Variants in HTR7 observed in about 807,000 individuals in gnomAD.
The protein encoded by HTR7 is 5-hydroxytryptamine receptor 7.
A neutral mutation model predicts 34.0 loss-of-function variants in HTR7; 16 were observed. The observed-to-expected ratio is 0.47, with a 90% CI of 0.32 to 0.71. The LOEUF (loss-of-function observed/expected upper bound fraction) is 0.71. Among genes scored for constraint, HTR7 ranks in the 30% least tolerant of loss-of-function variants. HTR7 has a pLI of 0.04. For missense variants in HTR7, 504 were observed against 625.5 expected (o/e 0.81, Z 2.07); for synonymous variants, 265 against 260.2 (o/e 1.02, Z -0.18).
At chr10:90,813,987 T>C (rs368310022) in intron 1 of HTR7, among the ~76,000 whole-genome samples, 2 of 152,178 alleles carry the variant, frequency 1.3e-5, no homozygotes, top group African/African-American at 2.4e-5. Context: ...AGAAGTCCCA[T>C]TCAGGTGCCC....
intron 1 of HTR7, among the ~76,000 whole-genome samples, chr10:90,807,995 T>G (rs1019331430): frequency 6.6e-6 from 1 of 152,128 alleles, no homozygotes; most frequent in African/African-American, 2.4e-5. Flanking sequence ...TTCCTTTCAT[T>G]TTCTGGTAGA....
At chr10:90,837,543 C>T (rs866202636) in intron 1 of HTR7, among the ~76,000 whole-genome samples, 67 of 152,222 alleles carry the variant, frequency 4.4e-4, no homozygotes, top group African/African-American at 1.5e-3. Context: ...TGCTATGATG[C>T]AGCAAGAAGG....
intron 1 of HTR7, among the ~76,000 whole-genome samples, chr10:90,753,535 T>C (rs1398613769): frequency 2.6e-5 from 4 of 152,166 alleles, no homozygotes; most frequent in Non-Finnish European, 2.9e-5. Flanking sequence ...GAAAAAGCAA[T>C]CATTCTATTA....
Position 90,857,728 on chromosome 10 carries a change from T to A in HTR7, c.-57A>T. The stretch of plus-strand genomic sequence containing the variant: ...GGCGCCCCGGCCACGCGCCTCCGGC[T>A]GCCGGCCCCGGGGCTTCACCTCACC... On this transcript the variant is annotated 5_prime_UTR_variant, in exon 1 of 4. Transcript: ENST00000336152. This position sits in a 1 kb window ranked among gnomAD's most constrained non-coding sequence, Gnocchi z 6.5. 7.1e-7 allele frequency: 1 copy of A among 1,407,562 alleles called. No individual in the cohort carries two copies. The highest frequency in any genetic ancestry group is 1.6e-5 in the South Asian group (1 of 64,412). 87.2% of individuals were successfully genotyped at this position (1,407,562 alleles called of 1,614,324 possible).
chr10:90,750,517 G>A (rs931312093), intron 1 of HTR7, among the ~76,000 whole-genome samples: 1 of 152,116 alleles, frequency 6.6e-6, no homozygotes, highest in African/African-American at 2.4e-5. Flanking sequence ...AATAGTCGTA[G>A]AGTCTTTTTT....
intron 1 of HTR7, among the ~76,000 whole-genome samples, chr10:90,778,915 C>T (rs1221607026): frequency 6.6e-6 from 1 of 152,218 alleles, no homozygotes; most frequent in Non-Finnish European, 1.5e-5. Context: ...TCAAAACAGT[C>T]TTCCTTGGCC....
chr10:90,813,650 C>A (rs1845854444), intron 1 of HTR7, among the ~76,000 whole-genome samples: 1 of 152,144 alleles, frequency 6.6e-6, no homozygotes, highest in South Asian at 2.1e-4. Context: ...AATCAAGCTG[C>A]AGACATAGAC....
intron 1 of HTR7, among the ~76,000 whole-genome samples, chr10:90,753,118 T>G (rs935377679): frequency 6.6e-6 from 1 of 152,172 alleles, no homozygotes; most frequent in Non-Finnish European, 1.5e-5. Context: ...TTCACAGATT[T>G]CCTACAGGTC....
At chr10:90,823,656 AAGGGGCC>A (rs1400100930) in intron 1 of HTR7, among the ~76,000 whole-genome samples, 2 of 152,144 alleles carry the variant, frequency 1.3e-5, no homozygotes, top group African/African-American at 2.4e-5. Flanking sequence ...TGAGATTTGG[AAGGGGCC>A]AGGAGCAGAA....
chr10:90,820,466 T>G (rs1195116787), intron 1 of HTR7, among the ~76,000 whole-genome samples: 1 of 152,182 alleles, frequency 6.6e-6, no homozygotes, highest in Non-Finnish European at 1.5e-5. Context: ...ACATCCTGAT[T>G]TACAAAGGGG....
At chr10:90,856,046 T>C (rs1377946628) in intron 1 of HTR7, among the ~76,000 whole-genome samples, 2 of 152,118 alleles carry the variant, frequency 1.3e-5, no homozygotes, top group Non-Finnish European at 2.9e-5. Context: ...AGACCATCCT[T>C]TGAGGCACTG....
Position 90,748,887 on chromosome 10 carries a change from T to C in HTR7, c.1247A>G (p.His416Arg), listed in dbSNP as rs750310268. ...CCTCTCAGCAAGCTTCAGGGCTTCA[T>C]GCATGCCTGCAGCTGAGAGCTTCCG... ...INRKLSAAGM[H>R]EALKLAERPE... The change falls in exon 2 of 4, where the codon CAT becomes CGT. Residue 416 changes from histidine (H) to arginine (R), a missense_variant. Coordinates refer to ENST00000336152, the MANE Select transcript of HTR7 (RefSeq NM_019859.4). 70 of 1,614,072 alleles carry C rather than the reference T, an allele frequency of 4.3e-5. 1 individual carries two copies. The Admixed American group carries it at 1.1e-3, about 26-fold the overall frequency.
intron 1 of HTR7, among the ~76,000 whole-genome samples, chr10:90,796,536 C>T (rs1845540610): frequency 1.3e-5 from 2 of 152,116 alleles, no homozygotes; most frequent in Admixed American, 1.3e-4. Context: ...ACACCCTGAG[C>T]AATATAGCCA....
chr10:90,802,743 G>A (rs920741871), intron 1 of HTR7, among the ~76,000 whole-genome samples: 8 of 152,170 alleles, frequency 5.3e-5, no homozygotes, highest in African/African-American at 1.2e-4. Flanking sequence ...GATTAACAAC[G>A]GAAGCTGCTC....
chr10:90,818,884 A>G (rs753041544), intron 1 of HTR7, among the ~76,000 whole-genome samples: 12 of 152,292 alleles, frequency 7.9e-5, no homozygotes, highest in Non-Finnish European at 1.5e-4. Context: ...GTGAATTCTC[A>G]TGAGATCTGG....
chr10:90,756,986 T>C (rs1266642015), intron 1 of HTR7, among the ~76,000 whole-genome samples: 2 of 152,208 alleles, frequency 1.3e-5, no homozygotes, highest in African/African-American at 4.8e-5. Context: ...TGTATATGGA[T>C]TCACAATAAA....
chr10:90,848,130 G>A (rs1846440121), intron 1 of HTR7, among the ~76,000 whole-genome samples: 2 of 141,804 alleles, frequency 1.4e-5, no homozygotes, highest in South Asian at 2.2e-4. Context: ...GTGCAATGGC[G>A]CGATCTCGGC....
intron 1 of HTR7, among the ~76,000 whole-genome samples, chr10:90,850,454 CA>C (rs1219085859): frequency 6.6e-6 from 1 of 152,192 alleles, no homozygotes; most frequent in East Asian, 1.9e-4. Flanking sequence ...ACATCATCTA[CA>C]GCATCTACAA....
intron 1 of HTR7, among the ~76,000 whole-genome samples, chr10:90,799,609 A>C (rs1845594868): frequency 6.6e-6 from 1 of 152,126 alleles, no homozygotes; most frequent in Non-Finnish European, 1.5e-5. Flanking sequence ...TTGCTTGACA[A>C]AGATTTAAGT....
Sources: allele counts gnomAD v4.1 joint callset (sites outside exome capture counted in the v4.1 genomes callset), GRCh38; gene constraint gnomAD v4.1.1; non-coding constraint Gnocchi (gnomAD v3.1); transcripts MANE v1.5; gene names NCBI Gene and HGNC (gene_info 2026-07-23, HGNC 2026-07-21).